The following LPIN2 variants were observed in gnomAD, a reference collection of about 807,000 sequenced individuals.
LPIN2 encodes the protein phosphatidate phosphatase LPIN2.
In LPIN2, 55 loss-of-function variants were observed where a neutral mutation model predicts 111.4. The observed-to-expected ratio is 0.49, with a 90% confidence interval of 0.40 to 0.62. The LOEUF is 0.62. LPIN2 is among the 20% of genes least tolerant of loss of function. The pLI, the probability that LPIN2 is intolerant of heterozygous loss-of-function variation, is 0.00. For synonymous variants in LPIN2, 425 were observed against 414.0 expected, an observed-to-expected ratio of 1.03 and a Z score of -0.32; for missense variants, 992 against 1,112.1, an observed-to-expected ratio of 0.89 and a Z score of 1.54.
rs534014240 is a variant in LPIN2, at chr18:2,951,072, C to T, written c.573G>A (p.Lys191=). The T allele has an allele frequency of 2.5e-6, 4 of 1,614,182 alleles. No individual in the cohort carries two copies. In the South Asian group the frequency reaches 4.4e-5, roughly 18 times the overall value. The change falls in exon 4 of 20, where the codon AAG becomes AAA. Residue 191 remains lysine (K), a synonymous_variant. Coordinates refer to ENST00000677752, the MANE Select transcript of LPIN2 (RefSeq NM_001375808.2). ...AGTCCTACCGTGCTGCCTGGGCCCC[C>T]TTGTCATCATCGGAGCTCACGCCTA... is the stretch of plus-strand genomic sequence containing the variant. ...CDVGVSSDDD[K]GAQAARGSSN...
chr18:2,921,141 C>G, intron 18 of LPIN2: 1 of 572,270 alleles, frequency 1.7e-6, no homozygotes, highest in Non-Finnish European at 3.1e-6. Flanking sequence ...GCCACATCTT[C>G]TGCACACCTG....
At chr18:2,954,260 G>T (rs1355664542) in intron 3 of LPIN2, among the ~76,000 whole-genome samples, 1 of 152,184 alleles carries the variant, frequency 6.6e-6, no homozygotes, top group Non-Finnish European at 1.5e-5. Flanking sequence ...CCTTCCCTTA[G>T]AAAAAGTGCA....
At chr18:2,971,729 A>ACATATAAC (rs1357134467) in intron 1 of LPIN2, among the ~76,000 whole-genome samples, 5 of 143,636 alleles carry the variant, frequency 3.5e-5, no homozygotes, top group African/African-American at 1.3e-4. Flanking sequence ...AAGTGAAGAT[A>ACATATAAC]CATATAACCA....
At chr18:2,965,467 G>A (rs1003235829) in intron 1 of LPIN2, among the ~76,000 whole-genome samples, 6 of 152,082 alleles carry the variant, frequency 3.9e-5, no homozygotes, top group Admixed American at 6.5e-5. Context: ...GGTGGCTCAC[G>A]CCTGTAATCC....
At chr18:3,008,546 C>A (rs888359244) in intron 1 of LPIN2, among the ~76,000 whole-genome samples, 2 of 152,240 alleles carry the variant, frequency 1.3e-5, no homozygotes, top group African/African-American at 4.8e-5. Flanking sequence ...AACAAAGTTA[C>A]TTTGTACCAT....
chr18:2,926,702 G>T, intron 13 of LPIN2, 21 bp downstream of exon 13: 1 of 1,608,336 alleles, frequency 6.2e-7, no homozygotes, highest in Non-Finnish European at 8.5e-7. Context: ...CTATGAGCCG[G>T]GCAGAGGACA....
At chr18:2,962,374 A>G (rs1404827760) in intron 1 of LPIN2, among the ~76,000 whole-genome samples, 12 of 152,260 alleles carry the variant, frequency 7.9e-5, no homozygotes, top group Non-Finnish European at 2.9e-5. Flanking sequence ...CCTTTATGTG[A>G]TATCAAACAA....
chr18:2,920,157 G>A lies in LPIN2; in HGVS notation c.*136C>T, dbSNP rs2077031014. ...GAGCAGCTGGCCTGGGAAGGCAAAG[G>A]AGGATGGCGGGACCAGCTCCAGAAG... is the stretch of plus-strand genomic sequence containing the variant. On this transcript the variant is annotated 3_prime_UTR_variant, in exon 20 of 20. Transcript: ENST00000677752. The A allele has an allele frequency of 1.6e-6, 2 of 1,215,280 alleles. No individual in the cohort carries two copies. The highest frequency in any genetic ancestry group is 2.7e-4 in the Middle Eastern group (1 of 3,714). 75.3% of individuals were successfully genotyped at this position (1,215,280 alleles called of 1,614,324 possible). A position where few individuals can be genotyped will look rare whatever the true frequency, so the allele number is the denominator to read the frequency against.
chr18:2,929,723 C>T lies in LPIN2; in HGVS notation c.1457-565G>A, dbSNP rs141492877. 3.5e-4 allele frequency among the ~76,000 whole-genome samples: 53 copies of T among 152,120 alleles called. No homozygotes were observed. In the East Asian group the frequency reaches 7.9e-3, roughly 23 times the overall value. On this transcript the variant is annotated intron_variant, in intron 9 of 19. Coordinates refer to ENST00000677752, the MANE Select transcript of LPIN2 (RefSeq NM_001375808.2). ...GAGTTAGGGACTAGCCTGGCCAATACGGTGAAAACCCATCTCTACTAAAAA... is the reference window on the plus strand; with the variant it reads ...GAGTTAGGGACTAGCCTGGCCAATATGGTGAAAACCCATCTCTACTAAAAA...
At chr18:2,935,024 C>G (rs7237795) in intron 7 of LPIN2, among the ~76,000 whole-genome samples, 48,760 of 152,006 alleles carry the variant, frequency 0.32, 8,352 homozygotes, top group East Asian at 0.61. Flanking sequence ...ATGCAATAAA[C>G]TAATCTTCAA....
intron 1 of LPIN2, among the ~76,000 whole-genome samples, chr18:2,964,708 C>G (rs1037846731): frequency 6.6e-6 from 1 of 152,170 alleles, no homozygotes; most frequent in African/African-American, 2.4e-5. Flanking sequence ...ACATCGCATG[C>G]TATGCTGCAT....
intron 1 of LPIN2, among the ~76,000 whole-genome samples, chr18:2,979,588 T>C (rs1000874847): frequency 1.3e-5 from 2 of 152,206 alleles, no homozygotes; most frequent in African/African-American, 4.8e-5. Flanking sequence ...ATACAGTGTG[T>C]GTGGAGGCAG....
chr18:2,953,840 T>TAATA (rs775801771), intron 3 of LPIN2, among the ~76,000 whole-genome samples: 35 of 152,184 alleles, frequency 2.3e-4, no homozygotes, highest in Non-Finnish European at 4.1e-4. Context: ...AATCTATTAT[T>TAATA]AATAAATAAA....
rs1456153382 is a variant in LPIN2, at chr18:2,929,178, T to C, written c.1457-20A>G. 7.0e-7 allele frequency: 1 copy of C among 1,433,986 alleles called. No individual in the cohort carries two copies. 88.8% of individuals were successfully genotyped at this position (1,433,986 alleles called of 1,614,324 possible). ...ATTTTTCTGCAATGTAAAATAATAA[T>C]CAATTTGGTTAGAGATTACATAAAT... On this transcript the variant is annotated intron_variant, in intron 9 of 19. Coordinates refer to ENST00000677752, the MANE Select transcript of LPIN2 (RefSeq NM_001375808.2).
rs1568537658 is a variant in LPIN2 at position 2,937,972 on chromosome 18, A to G, written c.888T>C (p.Thr296=). 1.9e-6 allele frequency: 3 copies of G among 1,614,156 alleles called. No individual in the cohort carries two copies. The highest frequency in any genetic ancestry group is 1.7e-5 in the Admixed American group (1 of 60,030). ...RTATITPSEN[T]HFRVIPSEDN... ...CCTCACTGGGAATTACCCGAAAATG[A>G]GTATTTTCTGATGGTGTAATTGTAG... The change falls in exon 7 of 20, where the codon ACT becomes ACC. Residue 296 remains threonine (T), a synonymous_variant. Transcript: ENST00000677752.
At chr18:3,012,110 C>T (rs888415914) in intron 1 of LPIN2, among the ~76,000 whole-genome samples, 1 of 152,190 alleles carries the variant, frequency 6.6e-6, no homozygotes, top group Non-Finnish European at 1.5e-5. Context: ...CAGTAACACC[C>T]ATCATCACTA....
In LPIN2 at chr18:2,925,074, G is replaced by A. The variant is rs1399855882; in HGVS notation, c.1938+150C>T. On this transcript the variant is annotated intron_variant, in intron 14 of 19. Coordinates refer to ENST00000677752, the MANE Select transcript of LPIN2 (RefSeq NM_001375808.2). The surrounding 1 kb of genome is among the most constrained non-coding windows in gnomAD (Gnocchi z 4.1). ...GGGCCTGATAGCTCTTGGGGGCGGC[G>A]GTCGTGGTTCCACTGTGGATAGGCA... 2.4e-5 allele frequency: 26 copies of A among 1,066,910 alleles called. No individual in the cohort carries two copies. The highest frequency in any genetic ancestry group is 3.1e-5 in the African/African-American group (2 of 64,080). 66.1% of individuals were successfully genotyped at this position (1,066,910 alleles called of 1,614,324 possible).
intron 1 of LPIN2, among the ~76,000 whole-genome samples, chr18:3,008,509 G>A (rs1221207872): frequency 6.6e-6 from 1 of 152,182 alleles, no homozygotes; most frequent in Non-Finnish European, 1.5e-5. Context: ...TCAGAAATAG[G>A]TAAATGCAGA....
intron 1 of LPIN2, among the ~76,000 whole-genome samples, chr18:2,968,930 T>G (rs561376575): frequency 2.0e-5 from 3 of 152,298 alleles, no homozygotes; most frequent in Non-Finnish European, 4.4e-5. Context: ...GGCAAGAGAC[T>G]GCACAGCTCT....
Sources: allele counts gnomAD v4.1 joint callset (sites outside exome capture counted in the v4.1 genomes callset), GRCh38; gene constraint gnomAD v4.1.1; non-coding constraint Gnocchi (gnomAD v3.1); transcripts MANE v1.5; gene names NCBI Gene and HGNC (gene_info 2026-07-23, HGNC 2026-07-21).